Variants in SLC19A3 observed in about 807,000 individuals in gnomAD.
SLC19A3 encodes the protein thiamine transporter 2.
In SLC19A3, 31 loss-of-function variants were observed where a neutral mutation model predicts 40.2. The ratio of observed to expected loss-of-function variants is 0.77; its 90% CI spans 0.58 to 1.04. SLC19A3 has a LOEUF of 1.04. SLC19A3 is among the 50% of genes least tolerant of loss of function. SLC19A3 has a pLI of 0.00. For missense variants in SLC19A3, 592 were observed against 596.7 expected (o/e 0.99, Z 0.08); for synonymous variants, 212 against 227.5 (o/e 0.93, Z 0.61).
At chr2:227,709,968 G>A (rs796859419) in intron 1 of SLC19A3, among the ~76,000 whole-genome samples, 22 of 152,208 alleles carry the variant, frequency 1.4e-4, no homozygotes, top group African/African-American at 4.8e-4. Flanking sequence ...GTTTTGGGAT[G>A]AAACTGTTCC....
In SLC19A3 at chr2:227,695,970, T is replaced by C. The variant is rs1435570788; in HGVS notation, c.1091A>G (p.His364Arg). Residue 364 changes from histidine to arginine, a missense_variant, in exon 4 of 6, where the codon CAT becomes CGT. By Grantham distance (29) the His-to-Arg change is conservative (BLOSUM62 0). Transcript: ENST00000644224. ...VVNAGSLFLM[H>R]YTANIWACYA... ...GCACGCCCAGATATTGGCTGTGTAA[T>C]GCATGAGAAATAAAGAACCGGCATT... The C allele has an allele frequency of 1.2e-6, 2 of 1,613,992 alleles. No individual in the cohort carries two copies. The highest frequency in any genetic ancestry group is 2.2e-5 in the East Asian group (1 of 44,894).
chr2:227,717,845 CCCCCAG>C (rs1423018083), intron 1 of SLC19A3, 92 bp downstream of exon 1: 50 of 919,580 alleles, frequency 5.4e-5, no homozygotes, highest in Admixed American at 1.2e-4. Flanking sequence ...CAGGAACCCG[CCCCCAG>C]CTCTCCAAAC....
chr2:227,690,100 C>A (rs539040734), intron 4 of SLC19A3, among the ~76,000 whole-genome samples: 2 of 151,982 alleles, frequency 1.3e-5, no homozygotes, highest in Non-Finnish European at 2.9e-5. Flanking sequence ...ACTGCAAAAC[C>A]AGAAAAGAAA....
chr2:227,684,110 T>G lies in SLC19A3; in HGVS notation c.*3287A>C, dbSNP rs1574535557. 6.6e-6 allele frequency: 1 copy of G among 152,284 alleles called. No homozygotes were observed. The highest frequency in any genetic ancestry group is 1.9e-4 in the East Asian group (1 of 5,174). The allele number at this position is 152,284 out of a possible 1,614,324, so 9.4% of individuals were successfully genotyped here. On this transcript the variant is annotated 3_prime_UTR_variant, in exon 6 of 6. Coordinates refer to ENST00000644224, the MANE Select transcript of SLC19A3 (RefSeq NM_025243.4). Reference sequence around the variant, plus strand: ...CACCGTGCCAGGCCTCATTTGTCTTTTTAGAAAAGTTATACGCATATATAA... The same window carrying G: ...CACCGTGCCAGGCCTCATTTGTCTTGTTAGAAAAGTTATACGCATATATAA...
chr2:227,698,074 T>C (rs1389626621), intron 3 of SLC19A3, among the ~76,000 whole-genome samples: 1 of 152,100 alleles, frequency 6.6e-6, no homozygotes, highest in Non-Finnish European at 1.5e-5. Context: ...TGAGGCTCTG[T>C]CTCAAAAAAT....
chr2:227,716,213 T>A (rs1205181496), intron 1 of SLC19A3, among the ~76,000 whole-genome samples: 1 of 152,216 alleles, frequency 6.6e-6, no homozygotes, highest in Non-Finnish European at 1.5e-5. Context: ...GTTTATCCCA[T>A]GAAGGACAAC....
At chr2:227,709,247 T>C (rs796574681) in intron 1 of SLC19A3, among the ~76,000 whole-genome samples, 23 of 152,240 alleles carry the variant, frequency 1.5e-4, no homozygotes, top group African/African-American at 4.8e-4. Flanking sequence ...TTTGGGAGGC[T>C]GAGGCGGGTG....
At chr2:227,698,450 C>G (rs1367493483) in intron 3 of SLC19A3, among the ~76,000 whole-genome samples, 4 of 150,850 alleles carry the variant, frequency 2.7e-5, no homozygotes, top group African/African-American at 9.9e-5. Context: ...TGCCCGCCAC[C>G]ACGCCTACCT....
chr2:227,708,286 C>T (rs917333325), intron 1 of SLC19A3, among the ~76,000 whole-genome samples: 3 of 152,118 alleles, frequency 2.0e-5, no homozygotes, highest in Non-Finnish European at 4.4e-5. Flanking sequence ...ATCTGCCTTG[C>T]AACCTATTAC....
chr2:227,713,424 GA>G (rs369104474), intron 1 of SLC19A3, among the ~76,000 whole-genome samples: 1 of 142,878 alleles, frequency 7.0e-6, no homozygotes, highest in Admixed American at 7.1e-5. Context: ...AAAAAAAAAA[GA>G]GGGGGTGGGG....
chr2:227,706,797 A>T (rs968193679), intron 1 of SLC19A3: 4 of 152,752 alleles, frequency 2.6e-5, no homozygotes, highest in African/African-American at 9.6e-5. Context: ...CACATTCCCT[A>T]AACAAAAGTC....
intron 1 of SLC19A3, among the ~76,000 whole-genome samples, chr2:227,709,760 AT>A (rs1161076421): frequency 2.0e-5 from 3 of 152,116 alleles, no homozygotes; most frequent in Admixed American, 2.0e-4. Context: ...AGAACAAGAT[AT>A]TGGGTGGGTG....
intron 2 of SLC19A3, among the ~76,000 whole-genome samples, chr2:227,700,522 A>G (rs1431557849): frequency 6.6e-6 from 1 of 152,116 alleles, no homozygotes; most frequent in African/African-American, 2.4e-5. Flanking sequence ...TGGGCAACAG[A>G]GCAAGACTCC....
chr2:227,716,268 C>A (rs1696333189), intron 1 of SLC19A3, among the ~76,000 whole-genome samples: 1 of 152,178 alleles, frequency 6.6e-6, no homozygotes, highest in Non-Finnish European at 1.5e-5. Context: ...TATTCCTGAT[C>A]TATATTTCAT....
intron 5 of SLC19A3, among the ~76,000 whole-genome samples, chr2:227,687,835 A>AAAAAAC (rs1460923181): frequency 9.2e-5 from 14 of 152,202 alleles, no homozygotes; most frequent in Non-Finnish European, 1.5e-4. Flanking sequence ...CATCAATAGT[A>AAAAAAC]AAAAACAAAA....
In SLC19A3 at chr2:227,703,894, G is replaced by A. The variant is rs947168705; in HGVS notation, c.-2-1574C>T. ...ACTATGCCACAGTGATCCACAGGCT[G>A]CTAAAAGCCTGCTGGATTATCTATC... On this transcript the variant is annotated intron_variant, in intron 1 of 5. Coordinates refer to ENST00000644224, the MANE Select transcript of SLC19A3 (RefSeq NM_025243.4). The surrounding 1 kb of genome is among the most constrained non-coding windows in gnomAD (Gnocchi z 4.7). Among the ~76,000 whole-genome samples, 1 of 152,128 alleles carries A rather than the reference G, an allele frequency of 6.6e-6. No homozygotes were observed. Among genetic ancestry groups the A allele is most frequent in the Non-Finnish European group, 1.5e-5 (1 of 68,018 alleles).
At position 227,703,251 on chromosome 2, in the gene SLC19A3, C is replaced by G. The variant is rs7567984; in HGVS notation, c.-2-931G>C. On this transcript the variant is annotated intron_variant, in intron 1 of 5. Transcript: ENST00000644224. This position sits in a 1 kb window ranked among gnomAD's most constrained non-coding sequence, Gnocchi z 4.7. ...GGGTCAATTGCAGTTTGAAAGCAGA[C>G]GAGAGAGAAGGAAAAGCATTCTCAT... is the stretch of plus-strand genomic sequence containing the variant. Among the ~76,000 whole-genome samples, 2 of 152,040 alleles carry G rather than the reference C, an allele frequency of 1.3e-5. No homozygotes were observed. Among genetic ancestry groups the G allele is most frequent in the East Asian group, 3.9e-4 (2 of 5,182 alleles).
intron 1 of SLC19A3, 66 bp downstream of exon 1, chr2:227,717,877 C>A (rs1378351203): frequency 5.1e-6 from 5 of 978,696 alleles, no homozygotes; most frequent in Non-Finnish European, 6.1e-6. Flanking sequence ...AAGAGAGAGG[C>A]GACACTGCTA....
intron 1 of SLC19A3, among the ~76,000 whole-genome samples, chr2:227,716,162 G>A (rs1319107126): frequency 6.6e-6 from 1 of 152,042 alleles, no homozygotes; most frequent in Non-Finnish European, 1.5e-5. Flanking sequence ...AACAACTGAT[G>A]GCAATGTTAA....
Sources: gnomAD v4.1 joint callset for allele counts (sites outside exome capture counted in the v4.1 genomes callset) on GRCh38, gnomAD v4.1.1 for gene constraint, Gnocchi (gnomAD v3.1) non-coding constraint, MANE v1.5 for transcripts, NCBI Gene and HGNC (gene_info 2026-07-23, HGNC 2026-07-21) for gene names.